Variants in ATP10B observed in about 807,000 individuals in gnomAD.
The protein encoded by ATP10B is phospholipid-transporting ATPase VB.
In ATP10B, 122 loss-of-function variants were observed where a neutral mutation model predicts 141.2. That is an observed-to-expected ratio of 0.86 (90% CI 0.75 to 1.00). The LOEUF is 1.00. Ranked by LOEUF, ATP10B falls within the 50% of genes least tolerant of loss-of-function variation. The pLI is 0.00. For missense variants in ATP10B, 1,876 were observed against 1,825.3 expected (o/e 1.03, Z -0.51); for synonymous variants, 685 against 692.0 (o/e 0.99, Z 0.16).
chr5:160,843,507 CA>C (rs34514367), intron 1 of ATP10B, among the ~76,000 whole-genome samples: 20,003 of 138,376 alleles, frequency 0.14, 1,377 homozygotes, highest in African/African-American at 0.18. Flanking sequence ...AGAGCATTGA[CA>C]AAAAAAAAAA....
At chr5:160,858,657 T>C in the ATP10B span, among the ~76,000 whole-genome samples, 1 of 151,964 alleles carries the variant, frequency 6.6e-6, no homozygotes, top group African/African-American at 2.4e-5. Context: ...CTTTTTCTTG[T>C]TTTCTTTTTC....
At chr5:160,773,309 T>C (rs1707473614) in intron 2 of ATP10B, among the ~76,000 whole-genome samples, 2 of 152,188 alleles carry the variant, frequency 1.3e-5, no homozygotes, top group Admixed American at 6.5e-5. Context: ...CAATGGCTTA[T>C]CAAAGGAATA....
At chr5:160,639,935 A>C (rs1241277994) in intron 10 of ATP10B, among the ~76,000 whole-genome samples, 4 of 152,366 alleles carry the variant, frequency 2.6e-5, no homozygotes, top group African/African-American at 9.6e-5. Flanking sequence ...TTTGATTCTC[A>C]TAAGAAGCAC....
intron 6 of ATP10B, 137 bp from the exon 7 acceptor site, chr5:160,670,804 TA>T (rs1460557163): frequency 1.4e-6 from 1 of 697,900 alleles, no homozygotes; most frequent in Non-Finnish European, 2.4e-6. Flanking sequence ...TATTCTACCT[TA>T]CCCCTGAATG....
intron 2 of ATP10B, among the ~76,000 whole-genome samples, chr5:160,724,558 TTACTCTGCAGTTAA>T (rs1193224101): frequency 1.3e-5 from 2 of 152,240 alleles, no homozygotes; most frequent in African/African-American, 4.8e-5. Context: ...TATCCCTTAG[TTACTCTGCAGTTAA>T]TACTGACAGC....
chr5:160,696,609 A>C (rs1764376888), intron 3 of ATP10B, among the ~76,000 whole-genome samples: 1 of 152,174 alleles, frequency 6.6e-6, no homozygotes, highest in South Asian at 2.1e-4. Flanking sequence ...CAGAAACATC[A>C]CCACTCACCC....
At chr5:160,801,763 A>G (rs1772381530) in intron 1 of ATP10B, among the ~76,000 whole-genome samples, 1 of 152,176 alleles carries the variant, frequency 6.6e-6, no homozygotes, top group African/African-American at 2.4e-5. Flanking sequence ...CAAGTTCACC[A>G]GTTAATGAGA....
rs1758402980 is a variant in ATP10B, at chr5:160,622,484, G to T, written c.1722C>A (p.Leu574=). The T allele has an allele frequency of 3.7e-6, 6 of 1,614,040 alleles. No homozygotes were observed. Among genetic ancestry groups the T allele is most frequent in the East Asian group, 2.2e-5 (1 of 44,896 alleles). The change falls in exon 14 of 26, where the codon CTC becomes CTA. Residue 574 remains leucine, a synonymous_variant. Transcript: ENST00000327245. ...AATCAGCAATGGAGGAGGTGGTGGAGAGGGAAGCCTTGGCAGGTCTGCTGT... is the reference window on the plus strand; with the variant it reads ...AATCAGCAATGGAGGAGGTGGTGGATAGGGAAGCCTTGGCAGGTCTGCTGT... ...LSDSRPAKAS[L]STTSSIADFF...
chr5:160,914,372 T>C, the ATP10B span, among the ~76,000 whole-genome samples: 10 of 152,154 alleles, frequency 6.6e-5, no homozygotes, highest in Non-Finnish European at 1.5e-4. Context: ...TGAGATTAGT[T>C]CTAGGCCCCC....
intron 20 of ATP10B, 61 bp from the exon 21 acceptor site, chr5:160,602,763 T>A: frequency 6.2e-7 from 1 of 1,607,562 alleles, no homozygotes; most frequent in East Asian, 2.2e-5. Flanking sequence ...CCAGAGGGAC[T>A]CTCTCAAGGG....
chr5:160,880,570 T>TA, the ATP10B span, among the ~76,000 whole-genome samples: 2 of 152,140 alleles, frequency 1.3e-5, no homozygotes, highest in Non-Finnish European at 2.9e-5. Context: ...GTGGTACTGG[T>TA]AAAATAATTG....
chr5:160,912,626 A>G, the ATP10B span, among the ~76,000 whole-genome samples: 1 of 151,520 alleles, frequency 6.6e-6, no homozygotes, highest in African/African-American at 2.4e-5. Context: ...AGAAAAGAAG[A>G]GAAAAGAAAA....
intron 1 of ATP10B, among the ~76,000 whole-genome samples, chr5:160,823,383 T>G (rs1774324334): frequency 6.6e-6 from 1 of 151,790 alleles, no homozygotes; most frequent in Admixed American, 6.6e-5. Context: ...CTGGGGCCTG[T>G]CAGGGAGTGG....
the ATP10B span, among the ~76,000 whole-genome samples, chr5:160,859,263 T>C: frequency 7.2e-5 from 11 of 151,918 alleles, no homozygotes; most frequent in South Asian, 2.1e-4. Context: ...ATATAGAACT[T>C]AAAAAATATT....
the ATP10B span, among the ~76,000 whole-genome samples, chr5:160,908,832 C>G: frequency 8.7e-4 from 133 of 152,276 alleles, 1 homozygote; most frequent in Non-Finnish European, 1.6e-3. Context: ...TTATTATTCC[C>G]TTATTCTCAC....
chr5:160,593,930 G>A (rs1756500879), intron 22 of ATP10B, among the ~76,000 whole-genome samples: 1 of 152,190 alleles, frequency 6.6e-6, no homozygotes, highest in Non-Finnish European at 1.5e-5. Context: ...AAAGTGACGG[G>A]GAGAAAGAAT....
chr5:160,708,731 G>A (rs149872109), intron 3 of ATP10B, among the ~76,000 whole-genome samples: 164 of 152,212 alleles, frequency 1.1e-3, no homozygotes, highest in African/African-American at 3.5e-3. Context: ...AATCTATTCC[G>A]CCCTTCTGCT....
At chr5:160,649,059 C>A (rs894742653) in intron 8 of ATP10B, 112 bp downstream of exon 8, 4 of 676,486 alleles carry the variant, frequency 5.9e-6, no homozygotes, top group Non-Finnish European at 9.8e-6. Context: ...CACACACACA[C>A]AAATAAAATT....
At chr5:160,677,989 G>A (rs974956885) in intron 6 of ATP10B, among the ~76,000 whole-genome samples, 4 of 152,204 alleles carry the variant, frequency 2.6e-5, no homozygotes, top group Non-Finnish European at 5.9e-5. Flanking sequence ...CCAAGTGGCT[G>A]AGGCTATGAG....
Sources: gnomAD v4.1 joint callset for allele counts (sites outside exome capture counted in the v4.1 genomes callset) on GRCh38, gnomAD v4.1.1 for gene constraint, MANE v1.5 for transcripts, NCBI Gene and HGNC (gene_info 2026-07-23, HGNC 2026-07-21) for gene names.